CES5A: variants seen among roughly 807,000 people sequenced by gnomAD.
CES5A encodes carboxylesterase 5.
A neutral mutation model predicts 62.9 loss-of-function variants in CES5A; 67 were observed. The ratio of observed to expected loss-of-function variants is 1.07; its 90% CI spans 0.88 to 1.31. The LOEUF (loss-of-function observed/expected upper bound fraction) is 1.31, where lower values mean the gene tolerates loss of function less well. CES5A is among the 50% of genes most tolerant of loss of function. The pLI is 0.00. For synonymous variants in CES5A, 296 were observed against 280.8 expected, an observed-to-expected ratio of 1.05 and a Z score of -0.54; for missense variants, 748 against 708.5, an observed-to-expected ratio of 1.06 and a Z score of -0.63.
In CES5A at chr16:55,866,099, G is replaced by A; in HGVS notation, c.569C>T (p.Ala190Val). The change falls in exon 5 of 13, where the codon GCT (alanine) becomes GTT (valine). Residue 190 changes from alanine to valine, a missense_variant. Physicochemically the swap from Ala to Val is moderately conservative, Grantham distance 64 (BLOSUM62 0). Coordinates refer to ENST00000290567, the MANE Select transcript of CES5A (RefSeq NM_001143685.2). ...FGFFTTWDQH[A>V]PGNWAFKDQV... is the part of the protein sequence containing the mutation. ...GTCCTTGAAGGCCCAGTTCCCCGGA[G>A]CATGCTGATCCCATGTGCTGAGGAC... 6.2e-7 allele frequency: 1 copy of A among 1,613,512 alleles called. No individual in the cohort carries two copies. The highest frequency in any genetic ancestry group is 8.5e-7 in the Non-Finnish European group (1 of 1,179,688).
intron 5 of CES5A, 144 bp from the exon 6 acceptor site, chr16:55,863,596 A>G: frequency 1.6e-6 from 1 of 614,046 alleles, no homozygotes; most frequent in Non-Finnish European, 2.9e-6. Flanking sequence ...TTAGGGGTTA[A>G]AGGACTAGCT....
intron 1 of CES5A, among the ~76,000 whole-genome samples, chr16:55,923,798 A>T (rs909617162): frequency 6.6e-6 from 1 of 151,960 alleles, no homozygotes; most frequent in East Asian, 1.9e-4. Context: ...TCACATTAAC[A>T]GAAACAAGAA....
In CES5A at chr16:55,897,986, G is replaced by A. The variant is rs2033951613; in HGVS notation, c.-255-23949C>T. On this transcript the variant is annotated intron_variant, in intron 1 of 12. Coordinates refer to the CES5A transcript ENST00000518005. ...GCCAAGCATGAAAAGCATATATACTGAATAAGTCCCAGAATGTAAAGTTGA... is the reference window on the plus strand; with the variant it reads ...GCCAAGCATGAAAAGCATATATACTAAATAAGTCCCAGAATGTAAAGTTGA... 4.6e-5 allele frequency among the ~76,000 whole-genome samples: 7 copies of A among 152,278 alleles called. No individual in the cohort carries two copies. In the South Asian group the frequency reaches 1.5e-3, roughly 32 times the overall value.
chr16:55,913,086 A>T (rs1248805158), intron 1 of CES5A, among the ~76,000 whole-genome samples: 2 of 152,162 alleles, frequency 1.3e-5, no homozygotes, highest in Non-Finnish European at 2.9e-5. Flanking sequence ...TTTTATTATT[A>T]CTCAAATCAG....
upstream of CES5A, among the ~76,000 whole-genome samples, chr16:55,876,072 C>T (rs2142419146): frequency 6.6e-6 from 1 of 152,296 alleles, no homozygotes; most frequent in Non-Finnish European, 1.5e-5. Flanking sequence ...TCCAACCTCT[C>T]TTATTTTCTA....
intron 2 of CES5A, 150 bp from the exon 3 acceptor site, chr16:55,871,913 AC>A: frequency 4.3e-6 from 3 of 701,960 alleles, no homozygotes; most frequent in Non-Finnish European, 4.7e-6. Context: ...TCATGCCCAA[AC>A]CCCCATGGTT....
Position 55,875,285 on chromosome 16 carries a change from G to A in CES5A, c.-64C>T. On this transcript the variant is annotated 5_prime_UTR_variant, in exon 1 of 13. Coordinates refer to ENST00000290567, the MANE Select transcript of CES5A (RefSeq NM_001143685.2). ...CTGCTGGCCTCAGAGAGCTTCAGTT[G>A]GGAGCCAGAAAGAGCTTCCTGTTAA... 1 of 1,584,306 alleles carries A rather than the reference G, an allele frequency of 6.3e-7. No individual in the cohort carries two copies. Among genetic ancestry groups the A allele is most frequent in the Middle Eastern group, 1.8e-4 (1 of 5,710 alleles).
At chr16:55,889,234 A>G (rs541690154) in intron 1 of CES5A, among the ~76,000 whole-genome samples, 4 of 152,278 alleles carry the variant, frequency 2.6e-5, no homozygotes, top group African/African-American at 7.2e-5. Flanking sequence ...ACACCAAGAC[A>G]TTCTCCAAGA....
intron 9 of CES5A, among the ~76,000 whole-genome samples, chr16:55,854,297 C>T (rs1282742511): frequency 6.6e-6 from 1 of 152,070 alleles, no homozygotes; most frequent in African/African-American, 2.4e-5. Flanking sequence ...TCCCGCACAG[C>T]CTACTTCCCA....
intron 2 of CES5A, among the ~76,000 whole-genome samples, chr16:55,935,820 C>T (rs1245161503): frequency 6.6e-6 from 1 of 151,722 alleles, no homozygotes; most frequent in Admixed American, 6.6e-5. Context: ...TTCTTCCATA[C>T]ACACTCCACC....
chr16:55,943,783 C>T (rs545309075), intron 2 of CES5A, among the ~76,000 whole-genome samples: 2 of 152,272 alleles, frequency 1.3e-5, no homozygotes, highest in South Asian at 4.1e-4. Context: ...AACAGAAAGA[C>T]AGGCCGGAAA....
chr16:55,893,074 G>C (rs759924924), intron 1 of CES5A, among the ~76,000 whole-genome samples: 8 of 152,172 alleles, frequency 5.3e-5, no homozygotes, highest in Non-Finnish European at 1.2e-4. Context: ...TTCCACAGGA[G>C]TTTTTCTGAG....
chr16:55,947,616 G>A (rs1301721820), intron 2 of CES5A, among the ~76,000 whole-genome samples: 1 of 152,144 alleles, frequency 6.6e-6, no homozygotes, highest in East Asian at 1.9e-4. Context: ...GAGATGGTTA[G>A]TGCCAAAGTT....
chr16:55,901,066 A>G (rs2033985643), intron 1 of CES5A, among the ~76,000 whole-genome samples: 1 of 152,132 alleles, frequency 6.6e-6, no homozygotes, highest in Non-Finnish European at 1.5e-5. Context: ...GTAGCCTCCC[A>G]TAATTCCCAC....
intron 1 of CES5A, among the ~76,000 whole-genome samples, chr16:55,924,328 C>T (rs1366837858): frequency 2.0e-5 from 3 of 151,796 alleles, no homozygotes; most frequent in Non-Finnish European, 3.0e-5. Context: ...ACATTAGCTA[C>T]AAAGAATATA....
intron 10 of CES5A, 143 bp downstream of exon 10, chr16:55,852,738 G>T: frequency 1.2e-6 from 1 of 850,250 alleles, no homozygotes; most frequent in Non-Finnish European, 1.8e-6. Flanking sequence ...CCCATGGCAT[G>T]TTTCCATCCA....
At chr16:55,943,986 T>A in intron 2 of CES5A, 1 of 701,402 alleles carries the variant, frequency 1.4e-6, no homozygotes, top group East Asian at 2.7e-5. Flanking sequence ...AGCCCAGGTA[T>A]CCCACCTGAG....
intron 2 of CES5A, among the ~76,000 whole-genome samples, chr16:55,931,290 C>T (rs1055885128): frequency 6.6e-6 from 1 of 152,164 alleles, no homozygotes; most frequent in Non-Finnish European, 1.5e-5. Context: ...GAGTTGGGAG[C>T]CATGGAGAAG....
chr16:55,856,504 C>T, intron 8 of CES5A, 59 bp from the exon 9 acceptor site: 1 of 1,523,318 alleles, frequency 6.6e-7, no homozygotes, highest in Non-Finnish European at 9.1e-7. Flanking sequence ...AAACCCATCT[C>T]CCCAAGGGCC....
Sources: allele counts gnomAD v4.1 joint callset (sites outside exome capture counted in the v4.1 genomes callset), GRCh38; gene constraint gnomAD v4.1.1; transcripts MANE v1.5; gene names NCBI Gene and HGNC (gene_info 2026-07-23, HGNC 2026-07-21).